KY: variants seen among roughly 807,000 people sequenced by gnomAD.
KY encodes the protein kyphoscoliosis peptidase.
A neutral mutation model predicts 76.1 loss-of-function variants in KY; 43 were observed. That is an observed-to-expected ratio of 0.57 (90% CI 0.44 to 0.73). The LOEUF (loss-of-function observed/expected upper bound fraction) is 0.73, where lower values mean the gene tolerates loss of function less well. KY is among the 30% of genes least tolerant of loss of function. The pLI is 0.00. For synonymous variants in KY, 277 were observed against 326.2 expected (o/e 0.85, Z 1.63); for missense variants, 722 against 828.9 (o/e 0.87, Z 1.58).
intron 6 of KY, among the ~76,000 whole-genome samples, chr3:134,624,116 C>A (rs1412117970): frequency 6.6e-6 from 1 of 152,162 alleles, no homozygotes; most frequent in Non-Finnish European, 1.5e-5. Flanking sequence ...CCTTGCTCCT[C>A]GTGAGGAGGT....
intron 7 of KY, 40 bp downstream of exon 7, chr3:134,620,709 C>T: frequency 6.9e-7 from 1 of 1,440,212 alleles, no homozygotes; most frequent in African/African-American, 1.4e-5. Flanking sequence ...GGAATGGAAG[C>T]AAGGGATTCT....
intron 5 of KY, 85 bp downstream of exon 5, chr3:134,627,671 G>T (rs1963642997): frequency 1.6e-6 from 2 of 1,245,174 alleles, no homozygotes; most frequent in East Asian, 4.7e-5. Context: ...AGTGGCCCAG[G>T]AAGCAACTGT....
chr3:134,616,752 T>C (rs1018744211), intron 8 of KY, among the ~76,000 whole-genome samples: 2 of 152,206 alleles, frequency 1.3e-5, no homozygotes, highest in Non-Finnish European at 2.9e-5. Flanking sequence ...AGTGTCAATT[T>C]TCTGAATCTA....
chr3:134,621,484 C>T (rs950236699), intron 6 of KY, among the ~76,000 whole-genome samples: 5 of 152,160 alleles, frequency 3.3e-5, no homozygotes, highest in Non-Finnish European at 7.4e-5. Flanking sequence ...GTCTCTTTTA[C>T]AAATGGTGCT....
chr3:134,603,970 T>G lies in KY; in HGVS notation c.1595A>C (p.Lys532Thr). 1 of 1,613,970 alleles carries G rather than the reference T, an allele frequency of 6.2e-7. No homozygotes were observed. Among genetic ancestry groups the G allele is most frequent in the South Asian group, 1.1e-5 (1 of 91,078 alleles). The change falls in exon 11 of 11, where the codon AAG (lysine) becomes ACG (threonine). Residue 532 changes from lysine (K) to threonine (T), a missense_variant. By Grantham distance (78) the Lys-to-Thr change is moderately conservative (BLOSUM62 -1). Around this residue, in one of 2 missense-constraint regions of KY, gnomAD observed 552 missense variants for 680.9 expected, o/e 0.81. Transcript: ENST00000423778. ...CTTGACAAAGATCTTGAGGGCAAAC[T>G]TGCCTGCATGGGGCAGCTGGACTTT... Reference protein sequence around the residue: ...ELKVQLPHAGKFALKIFVKKR... With the variant: ...ELKVQLPHAGTFALKIFVKKR...
Position 134,650,986 on chromosome 3 carries a change from C to A in KY, c.-26G>T. 6.2e-7 allele frequency: 1 copy of A among 1,612,518 alleles called. No individual in the cohort carries two copies. The highest frequency in any genetic ancestry group is 8.5e-7 in the Non-Finnish European group (1 of 1,179,222). On this transcript the variant is annotated 5_prime_UTR_variant, in exon 1 of 11. Coordinates refer to ENST00000423778, the MANE Select transcript of KY (RefSeq NM_178554.6). ...GATGCCGCCTCCTTTCCGACCTGGG[C>A]GCCGCGGCCGCACGCTAGGCTGCTT...
chr3:134,615,876 C>G (rs1368721244), intron 8 of KY, among the ~76,000 whole-genome samples: 1 of 152,202 alleles, frequency 6.6e-6, no homozygotes, highest in Admixed American at 6.5e-5. Context: ...ACACTCCTGC[C>G]CCTGCTCTCA....
At position 134,603,751 on chromosome 3, in the gene KY, G is replaced by T; in HGVS notation, c.1814C>A (p.Ala605Asp). The T allele has an allele frequency of 3.7e-6, 6 of 1,612,108 alleles. No homozygotes were observed. Among genetic ancestry groups the T allele is most frequent in the Non-Finnish European group, 5.1e-6 (6 of 1,178,598 alleles). ...VPFKLKLHGIAKVLVKGQDTW... is the reference protein window; with the variant it reads ...VPFKLKLHGIDKVLVKGQDTW... Reference sequence around the variant, plus strand: ...GTCCTGCCCCTTCACCAGGACTTTGGCAATACCATGCAGCTTCAATTTGAA... The same window carrying T: ...GTCCTGCCCCTTCACCAGGACTTTGTCAATACCATGCAGCTTCAATTTGAA... Residue 605 changes from alanine (A) to aspartate (D), a missense_variant, in exon 11 of 11, where the codon GCC becomes GAC. Coordinates refer to ENST00000423778, the MANE Select transcript of KY (RefSeq NM_178554.6).
At chr3:134,626,472 G>A (rs528193822) in intron 5 of KY, among the ~76,000 whole-genome samples, 1 of 152,314 alleles carries the variant, frequency 6.6e-6, no homozygotes, top group African/African-American at 2.4e-5. Context: ...ACTGCTCTCT[G>A]GGAGGGTGCA....
At chr3:134,632,988 G>A (rs1964431233) in intron 3 of KY, among the ~76,000 whole-genome samples, 1 of 151,942 alleles carries the variant, frequency 6.6e-6, no homozygotes, top group East Asian at 1.9e-4. Context: ...CAAAACTTCT[G>A]TGCACATAAA....
At chr3:134,627,520 G>A (rs1237045346) in intron 5 of KY, among the ~76,000 whole-genome samples, 1 of 152,118 alleles carries the variant, frequency 6.6e-6, no homozygotes, top group Non-Finnish European at 1.5e-5. Flanking sequence ...CTTGTTATTG[G>A]TGGGGTTTAT....
rs890855523 is a variant in KY, at chr3:134,604,202, TG to T, written c.1362del (p.Ser455AlafsTer10). On this transcript the variant is annotated frameshift_variant, in exon 11 of 11. Transcript: ENST00000423778. LOFTEE classifies it high-confidence loss of function. Reference protein sequence around the residue: ...LPAELHQPVGPSWFSEQMGIM... With the variant: ...LPAELHQPVGXSWFSEQMGIM... ...ATGCCCATCTGCTCCGAGAACCAGC[TG>T]GGGCCCACGGGCTGGTGAAGCTCAG... The T allele has an allele frequency of 1.2e-6, 2 of 1,612,772 alleles. No individual in the cohort carries two copies. Among genetic ancestry groups the T allele is most frequent in the African/African-American group, 2.7e-5 (2 of 75,032 alleles).
At chr3:134,634,756 A>G (rs1167124611) in intron 3 of KY, among the ~76,000 whole-genome samples, 1 of 152,196 alleles carries the variant, frequency 6.6e-6, no homozygotes, top group Non-Finnish European at 1.5e-5. Flanking sequence ...TCGCATAGAG[A>G]GGGCCAACTT....
chr3:134,617,254 A>G (rs1386601839), intron 8 of KY, among the ~76,000 whole-genome samples: 2 of 152,224 alleles, frequency 1.3e-5, no homozygotes, highest in Non-Finnish European at 2.9e-5. Context: ...GAGGAAAATA[A>G]TCATGTTCTG....
intron 1 of KY, among the ~76,000 whole-genome samples, chr3:134,650,576 A>G (rs1317101161): frequency 6.6e-6 from 1 of 152,172 alleles, no homozygotes; most frequent in East Asian, 1.9e-4. Context: ...CCCAGGGGTG[A>G]CGGAAGCACC....
intron 3 of KY, 103 bp downstream of exon 3, chr3:134,643,213 C>A: frequency 9.2e-7 from 1 of 1,086,560 alleles, no homozygotes; most frequent in Non-Finnish European, 1.4e-6. Flanking sequence ...GAGGACCCTG[C>A]TCCCCATAGT....
chr3:134,634,725 A>G (rs1345268582), intron 3 of KY, among the ~76,000 whole-genome samples: 1 of 152,176 alleles, frequency 6.6e-6, no homozygotes, highest in Non-Finnish European at 1.5e-5. Flanking sequence ...GATGGAGAGT[A>G]CTGTTCATGG....
chr3:134,643,229 C>T, intron 3 of KY, 87 bp downstream of exon 3: 2 of 1,307,386 alleles, frequency 1.5e-6, no homozygotes, highest in Non-Finnish European at 2.2e-6. Context: ...ATAGTCTGAG[C>T]TCCACATCCT....
At chr3:134,606,866 G>T in intron 10 of KY, 1 of 948,296 alleles carries the variant, frequency 1.1e-6, no homozygotes, top group Non-Finnish European at 1.3e-6. Context: ...GAGCCTGGCA[G>T]CTTTCCAGCC....
Sources: gnomAD v4.1 joint callset for allele counts (sites outside exome capture counted in the v4.1 genomes callset) on GRCh38, gnomAD v4.1.1 for gene constraint, gnomAD v4.1.1 regional missense constraint, MANE v1.5 for transcripts, NCBI Gene and HGNC (gene_info 2026-07-23, HGNC 2026-07-21) for gene names.